Variants in GRIK3 observed in about 807,000 individuals in gnomAD.
The protein encoded by GRIK3 is glutamate receptor ionotropic, kainate 3.
Under a neutral mutation model 102.5 loss-of-function variants are expected in GRIK3, and 29 were observed. The observed-to-expected ratio is 0.28, with a 90% CI of 0.21 to 0.39. The LOEUF is 0.39. GRIK3 is among the 10% of genes least tolerant of loss of function. GRIK3 has a pLI of 1.00. For synonymous variants in GRIK3, 511 were observed against 504.9 expected, an observed-to-expected ratio of 1.01 and a Z score of -0.16; for missense variants, 908 against 1,252.4, an observed-to-expected ratio of 0.73 and a Z score of 4.15.
Position 36,798,587 on chromosome 1 carries a change from A to G in GRIK3, c.*3264T>C, listed in dbSNP as rs528285778. 4.6e-5 allele frequency: 7 copies of G among 151,996 alleles called. No homozygotes were observed. The East Asian group carries it at 1.4e-3, about 29-fold the overall frequency. 9.4% of individuals were successfully genotyped at this position (151,996 alleles called of 1,614,324 possible). A position where few individuals can be genotyped will look rare whatever the true frequency, so the allele number is the denominator to read the frequency against. On this transcript the variant is annotated 3_prime_UTR_variant, in exon 16 of 16. Transcript: ENST00000373091. ...TCTGCCTCACTGAAAACACCTCCCC[A>G]CTCCGTCCCACCTCACAGATGTAGC...
chr1:36,989,195 C>A (rs928114859), intron 1 of GRIK3, among the ~76,000 whole-genome samples: 1 of 152,124 alleles, frequency 6.6e-6, no homozygotes, highest in African/African-American at 2.4e-5. Context: ...ATCCTCTCTC[C>A]ACACACACAC....
intron 1 of GRIK3, among the ~76,000 whole-genome samples, chr1:36,998,577 A>C (rs182212162): frequency 2.9e-4 from 44 of 152,312 alleles, no homozygotes; most frequent in Non-Finnish European, 1.8e-4. Flanking sequence ...GTCATCACTG[A>C]TCGGACTCCC....
At chr1:37,021,388 A>G (rs572319525) in intron 1 of GRIK3, among the ~76,000 whole-genome samples, 7 of 152,264 alleles carry the variant, frequency 4.6e-5, no homozygotes, top group South Asian at 4.2e-4. Context: ...GGAGACCACC[A>G]AACAAGATTA....
chr1:36,904,861 C>T (rs926584414), intron 1 of GRIK3, among the ~76,000 whole-genome samples: 1 of 152,164 alleles, frequency 6.6e-6, no homozygotes, highest in Non-Finnish European at 1.5e-5. Flanking sequence ...GTGTGTATGG[C>T]AGACATTCTC....
At chr1:36,910,391 C>A (rs1303115508) in intron 1 of GRIK3, among the ~76,000 whole-genome samples, 1 of 152,266 alleles carries the variant, frequency 6.6e-6, no homozygotes, top group Non-Finnish European at 1.5e-5. Flanking sequence ...GCCTCCCTGT[C>A]TGTTCTGATC....
intron 1 of GRIK3, among the ~76,000 whole-genome samples, chr1:36,946,447 G>C (rs1159019209): frequency 6.6e-6 from 1 of 152,258 alleles, no homozygotes; most frequent in Non-Finnish European, 1.5e-5. Context: ...CCAAGGGGCT[G>C]CTGGACAGCC....
At chr1:36,803,003 C>T (rs537141664) in intron 15 of GRIK3, among the ~76,000 whole-genome samples, 27 of 151,998 alleles carry the variant, frequency 1.8e-4, no homozygotes, top group African/African-American at 3.6e-4. Flanking sequence ...GTGAAGAAGA[C>T]GGATAAGGCC....
intron 1 of GRIK3, among the ~76,000 whole-genome samples, chr1:36,927,760 C>T (rs1302057237): frequency 6.6e-6 from 1 of 152,178 alleles, no homozygotes; most frequent in African/African-American, 2.4e-5. Flanking sequence ...GACCAAAGGT[C>T]GGTAATAGAT....
intron 7 of GRIK3, among the ~76,000 whole-genome samples, chr1:36,855,638 T>C (rs1640643038): frequency 6.6e-6 from 1 of 152,202 alleles, no homozygotes; most frequent in African/African-American, 2.4e-5. Context: ...AAAAGGCATA[T>C]AGAGCGCTGA....
chr1:36,851,328 G>A (rs565243902), intron 8 of GRIK3, among the ~76,000 whole-genome samples: 1 of 152,368 alleles, frequency 6.6e-6, no homozygotes, highest in South Asian at 2.1e-4. Context: ...ACCCGGCTTA[G>A]CAAACAAGTG....
At position 36,802,028 on chromosome 1, in the gene GRIK3, G is replaced by T. The variant is rs200511237; in HGVS notation, c.2583C>A (p.Thr861=). 142 of 1,611,874 alleles carry T rather than the reference G, an allele frequency of 8.8e-5. No homozygotes were observed. The highest frequency in any genetic ancestry group is 2.8e-4 in the Admixed American group (17 of 59,862). Residue 861 remains threonine, a synonymous_variant, in exon 16 of 16, where the codon ACC becomes ACA. Coordinates refer to ENST00000373091, the MANE Select transcript of GRIK3 (RefSeq NM_000831.4). ...AEREQRSFCS[T]VADEIRFSLT... ...GGGAGAAACGGATCTCATCGGCCAC[G>T]GTGCTGCAGAAGGAACGCTGCAGGA...
chr1:36,860,134 C>G, intron 5 of GRIK3, 117 bp from the exon 6 acceptor site: 1 of 723,766 alleles, frequency 1.4e-6, no homozygotes, highest in Non-Finnish European at 2.3e-6. Flanking sequence ...CAGCTCCCTG[C>G]AAAGCCCTGC....
chr1:36,958,637 A>AGC (rs1641956961), intron 1 of GRIK3, among the ~76,000 whole-genome samples: 6 of 81,078 alleles, frequency 7.4e-5, no homozygotes, highest in East Asian at 4.6e-4. Context: ...GTGCCCTGTG[A>AGC]CTGTGTGCCC....
In GRIK3 at chr1:36,925,601, G is replaced by T. The variant is rs79078993; in HGVS notation, c.116-34505C>A. 1.3e-4 allele frequency among the ~76,000 whole-genome samples: 20 copies of T among 152,394 alleles called. No individual in the cohort carries two copies. In the East Asian group the frequency reaches 3.9e-3, roughly 29 times the overall value. ...AACTTGTCTCTGGCCTGGCCTTGCA[G>T]TGTGGCCCTCCCAGGGCCTGGGGCT... On this transcript the variant is annotated intron_variant, in intron 1 of 15. Transcript: ENST00000373091.
chr1:36,937,367 T>A (rs1406630752), intron 1 of GRIK3, among the ~76,000 whole-genome samples: 1 of 152,136 alleles, frequency 6.6e-6, no homozygotes, highest in African/African-American at 2.4e-5. Context: ...GAAGGCAATC[T>A]CTTGTTGTAC....
chr1:37,008,295 C>T (rs1391543522), intron 1 of GRIK3, among the ~76,000 whole-genome samples: 1 of 152,230 alleles, frequency 6.6e-6, no homozygotes, highest in East Asian at 1.9e-4. Flanking sequence ...TCTGCTGAGC[C>T]TCAGCATCCT....
intron 1 of GRIK3, among the ~76,000 whole-genome samples, chr1:36,924,007 CAT>C (rs755950024): frequency 5.3e-5 from 8 of 152,112 alleles, no homozygotes; most frequent in Non-Finnish European, 8.8e-5. Flanking sequence ...TGAGTGCACA[CAT>C]GTGTACACAC....
chr1:36,998,065 C>CTGAA (rs1334337261), intron 1 of GRIK3, among the ~76,000 whole-genome samples: 2 of 152,250 alleles, frequency 1.3e-5, no homozygotes, highest in African/African-American at 2.4e-5. Flanking sequence ...GACTGACTGA[C>CTGAA]TGAATGAATG....
rs369133250 is a variant in GRIK3, at chr1:36,801,818, C to G, written c.*33G>C. On this transcript the variant is annotated 3_prime_UTR_variant, in exon 16 of 16. Transcript: ENST00000373091. ...ATCTCCTTTGCTTTCCTCTGCCCAG[C>G]CCCCAGGCCTGAGGTCCCCACCCCA... 3.2e-6 allele frequency: 5 copies of G among 1,540,142 alleles called. No individual in the cohort carries two copies. The highest frequency in any genetic ancestry group is 4.4e-6 in the Non-Finnish European group (5 of 1,137,488).
Sources: gnomAD v4.1 joint callset for allele counts (sites outside exome capture counted in the v4.1 genomes callset) on GRCh38, gnomAD v4.1.1 for gene constraint, MANE v1.5 for transcripts, NCBI Gene and HGNC (gene_info 2026-07-23, HGNC 2026-07-21) for gene names.